The following ZNF562 variants were observed in gnomAD, a reference collection of about 807,000 sequenced individuals.
ZNF562 encodes zinc finger protein 562.
A neutral mutation model predicts 17.5 loss-of-function variants in ZNF562; 13 were observed. That is an observed-to-expected ratio of 0.74 (90% confidence interval 0.48 to 1.18). ZNF562 has a LOEUF of 1.18. Among genes scored for constraint, ZNF562 ranks in the 50% most tolerant of loss-of-function variants. The pLI is 0.00. For missense variants in ZNF562, 481 were observed against 498.5 expected (o/e 0.96, Z 0.33); for synonymous variants, 163 against 165.4 (o/e 0.99, Z 0.11).
intron 2 of ZNF562, among the ~76,000 whole-genome samples, chr19:9,659,929 T>TAAAAAAAAAAAA (rs763657709): frequency 2.7e-5 from 1 of 37,348 alleles, no homozygotes; most frequent in Non-Finnish European, 4.6e-5. Flanking sequence ...CCGTCTCTAC[T>TAAAAAAAAAAAA]AAAAAAAAAA....
In ZNF562 at chr19:9,653,518, C is replaced by T. The variant is rs752842761; in HGVS notation, c.712G>A (p.Glu238Lys). 2 of 1,614,204 alleles carry T rather than the reference C, an allele frequency of 1.2e-6. No individual in the cohort carries two copies. The highest frequency in any genetic ancestry group is 8.5e-7 in the Non-Finnish European group (1 of 1,180,036). ...TGTGAGGAAGTTGTGATGGCTCTCT[C>T]ACATTCCTGAAATTCACAGAGTTTC... ...GEKLCEFQEC[E>K]RAITTSSHLK... Residue 238 changes from glutamate to lysine, a missense_variant, in exon 6 of 6, where the codon GAG (glutamate) becomes AAG (lysine). Glu to Lys is a moderately conservative substitution (Grantham distance 56). This residue lies in a region of ZNF562 where 403 missense variants were observed against 386.4 expected (regional missense o/e 1.04). Coordinates refer to ENST00000453372, the MANE Select transcript of ZNF562 (RefSeq NM_001130031.2).
chr19:9,668,465 A>G (rs772120759), intron 1 of ZNF562, among the ~76,000 whole-genome samples: 1 of 152,214 alleles, frequency 6.6e-6, no homozygotes, highest in Non-Finnish European at 1.5e-5. Flanking sequence ...CAAACTGTAG[A>G]GAATACAGAA....
rs1269894201 is a variant in ZNF562 at position 9,649,600 on chromosome 19, C to T, written c.*3349G>A. 2 of 152,142 alleles carry T rather than the reference C, an allele frequency of 1.3e-5. No homozygotes were observed. The highest frequency in any genetic ancestry group is 2.4e-5 in the African/African-American group (1 of 41,422). 9.4% of individuals were successfully genotyped at this position (152,142 alleles called of 1,614,324 possible). A position where few individuals can be genotyped will look rare whatever the true frequency, so the allele number is the denominator to read the frequency against. ...GAGACTGCAGGGGTGAAATAGACCC[C>T]AGTCTCCCATAGCACTCCCAGGCTT... On this transcript the variant is annotated 3_prime_UTR_variant, in exon 6 of 6. Coordinates refer to ENST00000453372, the MANE Select transcript of ZNF562 (RefSeq NM_001130031.2).
rs2074785095 is a variant in ZNF562, at chr19:9,643,305, G to C, written c.*9644C>G. ...GGAATTGGAGGTTGCAGTGAGCTGA[G>C]ATCACGCCACTGCACTCCAGCCTGG... On this transcript the variant is annotated 3_prime_UTR_variant, in exon 6 of 6. Coordinates refer to ENST00000453372, the MANE Select transcript of ZNF562 (RefSeq NM_001130031.2). 1 of 151,932 alleles carries C rather than the reference G, an allele frequency of 6.6e-6. No homozygotes were observed. The highest frequency in any genetic ancestry group is 2.4e-5 in the African/African-American group (1 of 41,274). 9.4% of individuals were successfully genotyped at this position (151,932 alleles called of 1,614,324 possible). A position where few individuals can be genotyped will look rare whatever the true frequency, so the allele number is the denominator to read the frequency against.
Position 9,644,189 on chromosome 19 carries a change from A to T in ZNF562, c.*8760T>A, listed in dbSNP as rs956802484. Reference sequence around the variant, plus strand: ...TATCAGTGATAAAAACGATACATATATACATCTTGTACTGCATCATAAAAA... The same window carrying T: ...TATCAGTGATAAAAACGATACATATTTACATCTTGTACTGCATCATAAAAA... On this transcript the variant is annotated 3_prime_UTR_variant, in exon 6 of 6. Transcript: ENST00000453372. 6.6e-6 allele frequency: 1 copy of T among 152,158 alleles called. No homozygotes were observed. Among genetic ancestry groups the T allele is most frequent in the African/African-American group, 2.4e-5 (1 of 41,426 alleles). 9.4% of individuals were successfully genotyped at this position (152,158 alleles called of 1,614,324 possible). A position where few individuals can be genotyped will look rare whatever the true frequency, so the allele number is the denominator to read the frequency against.
intron 1 of ZNF562, among the ~76,000 whole-genome samples, chr19:9,666,643 G>A (rs1293982771): frequency 4.0e-5 from 6 of 151,558 alleles, no homozygotes; most frequent in African/African-American, 7.3e-5. Flanking sequence ...ATTAACCTTC[G>A]GCTAGACTAA....
chr19:9,652,776 T>G lies in ZNF562; in HGVS notation c.*173A>C. 1 of 568,592 alleles carries G rather than the reference T, an allele frequency of 1.8e-6. No individual in the cohort carries two copies. Among genetic ancestry groups the G allele is most frequent in the East Asian group, 3.0e-5 (1 of 33,092 alleles). The allele number at this position is 568,592 out of a possible 1,614,324, so 35.2% of individuals were successfully genotyped here. On this transcript the variant is annotated 3_prime_UTR_variant, in exon 6 of 6. Transcript: ENST00000453372. ...CCAATGGGCTAAATGGTAACAACACTCATATCCTTACATTCATAGTATTTC... is the reference window on the plus strand; with the variant it reads ...CCAATGGGCTAAATGGTAACAACACGCATATCCTTACATTCATAGTATTTC...
At chr19:9,656,286 G>A (rs1361324829) in intron 5 of ZNF562, among the ~76,000 whole-genome samples, 1 of 152,194 alleles carries the variant, frequency 6.6e-6, no homozygotes, top group African/African-American at 2.4e-5. Context: ...GAGGCAGATG[G>A]ATCACGAGGT....
chr19:9,669,732 GCGCACA>G (rs1427615815), intron 1 of ZNF562, among the ~76,000 whole-genome samples: 83 of 76,784 alleles, frequency 1.1e-3, no homozygotes, highest in East Asian at 2.9e-3. Context: ...GCGCGCGCGC[GCGCACA>G]CACACACACA....
At chr19:9,670,955 A>T (rs1435827329) in intron 1 of ZNF562, among the ~76,000 whole-genome samples, 1 of 151,320 alleles carries the variant, frequency 6.6e-6, no homozygotes, top group Non-Finnish European at 1.5e-5. Flanking sequence ...AGCCAAGATC[A>T]TGCCACTGCA....
chr19:9,674,599 C>T (rs2044334142), intron 1 of ZNF562: 1 of 152,036 alleles, frequency 6.6e-6, no homozygotes, highest in African/African-American at 2.4e-5. Flanking sequence ...GAAGTCACAG[C>T]CCTCTTGAAA....
Position 9,653,516 on chromosome 19 carries a change from C to T in ZNF562, c.714G>A (p.Glu238=), listed in dbSNP as rs141906162. Residue 238 remains glutamate (E), a synonymous_variant, in exon 6 of 6, where the codon GAG becomes GAA. Transcript: ENST00000453372. ...AGTGTGAGGAAGTTGTGATGGCTCT[C>T]TCACATTCCTGAAATTCACAGAGTT... The part of the protein sequence containing the change: ...GEKLCEFQEC[E]RAITTSSHLK... 2 of 1,614,202 alleles carry T rather than the reference C, an allele frequency of 1.2e-6. No homozygotes were observed.
chr19:9,671,851 T>C (rs1265560453), intron 1 of ZNF562, among the ~76,000 whole-genome samples: 1 of 152,228 alleles, frequency 6.6e-6, no homozygotes, highest in Non-Finnish European at 1.5e-5. Flanking sequence ...GGTTTGCCAC[T>C]AGCACATGAC....
chr19:9,659,269 G>A, intron 3 of ZNF562, 110 bp downstream of exon 3: 1 of 967,570 alleles, frequency 1.0e-6, no homozygotes, highest in Non-Finnish European at 1.5e-6. Context: ...CCTTGAGTAA[G>A]GCTTCATTTG....
chr19:9,666,219 A>G (rs1020407068), intron 1 of ZNF562, among the ~76,000 whole-genome samples: 21 of 151,390 alleles, frequency 1.4e-4, no homozygotes, highest in Middle Eastern at 3.4e-3. Flanking sequence ...ACTACTCGGG[A>G]GGCTGAAGCA....
At position 9,650,312 on chromosome 19, in the gene ZNF562, A is replaced by T. The variant is rs1279546187; in HGVS notation, c.*2637T>A. ...ATTCTTTTCTCTTTCCACATAGAGA[A>T]TCAGATAATCTATAAATAATGACTC... is the stretch of plus-strand genomic sequence containing the variant. On this transcript the variant is annotated 3_prime_UTR_variant, in exon 6 of 6. Coordinates refer to ENST00000453372, the MANE Select transcript of ZNF562 (RefSeq NM_001130031.2). 6.6e-6 allele frequency: 1 copy of T among 151,874 alleles called. No homozygotes were observed. Among genetic ancestry groups the T allele is most frequent in the Non-Finnish European group, 1.5e-5 (1 of 68,000 alleles). The allele number at this position is 151,874 out of a possible 1,614,324, so 9.4% of individuals were successfully genotyped here. A position where few individuals can be genotyped will look rare whatever the true frequency, so the allele number is the denominator to read the frequency against.
chr19:9,674,383 A>C (rs2044320202), intron 1 of ZNF562, among the ~76,000 whole-genome samples: 1 of 152,184 alleles, frequency 6.6e-6, no homozygotes, highest in South Asian at 2.1e-4. Context: ...AAACATACTG[A>C]CATATTGATT....
At chr19:9,671,785 G>A (rs12461215) in intron 1 of ZNF562, among the ~76,000 whole-genome samples, 16,215 of 152,256 alleles carry the variant, frequency 0.11, 1,234 homozygotes, top group African/African-American at 0.2. Flanking sequence ...GTATTGCAGA[G>A]TCAATCCATG....
intron 1 of ZNF562, among the ~76,000 whole-genome samples, chr19:9,663,310 C>T (rs1420602318): frequency 6.7e-6 from 1 of 149,914 alleles, no homozygotes; most frequent in Admixed American, 6.7e-5. Flanking sequence ...ACTCAGGAGG[C>T]TGAGGCAGGA....
Sources: allele counts gnomAD v4.1 joint callset (sites outside exome capture counted in the v4.1 genomes callset), GRCh38; gene constraint gnomAD v4.1.1; regional missense constraint gnomAD v4.1.1; transcripts MANE v1.5; gene names NCBI Gene and HGNC (gene_info 2026-07-23, HGNC 2026-07-21).